The following SGPP1 variants were observed in gnomAD, a reference collection of about 807,000 sequenced individuals.
SGPP1 encodes hSPP1.
SGPP1 carries 21 observed loss-of-function variants against 33.0 expected under a neutral mutation model. The ratio of observed to expected loss-of-function variants is 0.64; its 90% CI spans 0.45 to 0.92. SGPP1 has a LOEUF of 0.92. Ranked by LOEUF, SGPP1 falls within the 40% of genes least tolerant of loss-of-function variation. The pLI is 0.00. For synonymous variants in SGPP1, 239 were observed against 241.2 expected, an observed-to-expected ratio of 0.99 and a Z score of 0.08; for missense variants, 543 against 589.4, an observed-to-expected ratio of 0.92 and a Z score of 0.81.
chr14:63,692,439 C>CTA (rs969036167), intron 2 of SGPP1, among the ~76,000 whole-genome samples: 1 of 151,220 alleles, frequency 6.6e-6, no homozygotes, highest in African/African-American at 2.4e-5. Context: ...TGAAGAGAAA[C>CTA]TAAATGTTCA....
At chr14:63,718,297 G>C (rs1441468242) in intron 1 of SGPP1, among the ~76,000 whole-genome samples, 1 of 150,008 alleles carries the variant, frequency 6.7e-6, no homozygotes, top group Non-Finnish European at 1.5e-5. Context: ...TATCAACCTA[G>C]AATTCTGAAT....
At chr14:63,707,980 C>A (rs535481489) in intron 1 of SGPP1, among the ~76,000 whole-genome samples, 58 of 152,208 alleles carry the variant, frequency 3.8e-4, no homozygotes, top group Middle Eastern at 3.4e-3. Flanking sequence ...TTTCAAAATG[C>A]AAAACGCATT....
chr14:63,721,302 G>A (rs1396298910), intron 1 of SGPP1, among the ~76,000 whole-genome samples: 2 of 152,060 alleles, frequency 1.3e-5, no homozygotes. Flanking sequence ...AAATTAGCCG[G>A]GTGTGGTGGC....
At chr14:63,707,675 A>G (rs1204579005) in intron 1 of SGPP1, among the ~76,000 whole-genome samples, 1 of 151,984 alleles carries the variant, frequency 6.6e-6, no homozygotes, top group African/African-American at 2.4e-5. Context: ...TGAACTGCCA[A>G]CCTCATGTGA....
intron 1 of SGPP1, among the ~76,000 whole-genome samples, chr14:63,701,931 A>G (rs1885307238): frequency 1.3e-5 from 2 of 149,220 alleles, no homozygotes; most frequent in Non-Finnish European, 2.9e-5. Context: ...AAAAAAAAAA[A>G]AAAGAACCAA....
Position 63,708,325 on chromosome 14 carries a change from G to A in SGPP1, c.685-9667C>T, listed in dbSNP as rs538495991. ...AGGCTGGAGTGCAATGCCCCATCTC[G>A]GTTTACTGCAACCTCCGCCTCCTGG... On this transcript the variant is annotated intron_variant, in intron 1 of 2. Transcript: ENST00000247225. 3.6e-5 allele frequency among the ~76,000 whole-genome samples: 5 copies of A among 139,268 alleles called. No individual in the cohort carries two copies. In the East Asian group the frequency reaches 8.3e-4, roughly 23 times the overall value. 91.4% of individuals were successfully genotyped at this position (139,268 alleles called of 152,430 possible).
Position 63,727,488 on chromosome 14 carries a change from A to G in SGPP1, c.457T>C (p.Trp153Arg). The change falls in exon 1 of 3, where the codon TGG (tryptophan) becomes CGG (arginine). Residue 153 changes from tryptophan to arginine, a missense_variant. By Grantham distance (101) the Trp-to-Arg change is moderately radical (BLOSUM62 -3). Coordinates refer to ENST00000247225, the MANE Select transcript of SGPP1 (RefSeq NM_030791.4). ...FYILFFPFWI[W>R]NLDPLVGRRL... Reference sequence around the variant, plus strand: ...CGGCCCACCAGAGGGTCCAGGTTCCAGATCCAGAAGGGGAAGAACAGGATG... The same window carrying G: ...CGGCCCACCAGAGGGTCCAGGTTCCGGATCCAGAAGGGGAAGAACAGGATG... 6.2e-7 allele frequency: 1 copy of G among 1,614,162 alleles called. No homozygotes were observed. The highest frequency in any genetic ancestry group is 8.5e-7 in the Non-Finnish European group (1 of 1,180,018).
intron 1 of SGPP1, among the ~76,000 whole-genome samples, chr14:63,699,644 A>G (rs1430267760): frequency 1.3e-5 from 2 of 152,042 alleles, no homozygotes; most frequent in African/African-American, 4.8e-5. Flanking sequence ...AGGTGTGATA[A>G]TAGCATACTA....
chr14:63,688,856 G>A (rs1022730450), intron 2 of SGPP1, among the ~76,000 whole-genome samples: 1 of 151,878 alleles, frequency 6.6e-6, no homozygotes, highest in African/African-American at 2.4e-5. Flanking sequence ...CGAGTAGCTG[G>A]GACTACAGGC....
chr14:63,686,294 G>C lies in SGPP1; in HGVS notation c.1137C>G (p.Ile379Met). The change falls in exon 3 of 3, where the codon ATC (isoleucine) becomes ATG (methionine). Residue 379 changes from isoleucine (I) to methionine (M), a missense_variant. Transcript: ENST00000247225. ...TGGTGATCTTTTTCATTACATCTCT[G>C]ATTATTAGTACAAATACCATCCCTA... ...ILIGMVFVLI[I>M]RDVMKKITIP... 6.2e-7 allele frequency: 1 copy of C among 1,614,028 alleles called. No homozygotes were observed. Among genetic ancestry groups the C allele is most frequent in the Non-Finnish European group, 8.5e-7 (1 of 1,179,968 alleles).
intron 2 of SGPP1, among the ~76,000 whole-genome samples, chr14:63,688,613 C>G (rs1472596551): frequency 6.6e-6 from 1 of 152,110 alleles, no homozygotes; most frequent in East Asian, 1.9e-4. Context: ...TTTATATTCA[C>G]TGTCTCCACT....
At chr14:63,694,273 CAGAAA>C (rs1213671907) in intron 2 of SGPP1, among the ~76,000 whole-genome samples, 1 of 143,906 alleles carries the variant, frequency 6.9e-6, no homozygotes, top group Non-Finnish European at 1.5e-5. Context: ...GACCCTGTCT[CAGAAA>C]AGAAAAGAAA....
At position 63,727,998 on chromosome 14, in the gene SGPP1, C is replaced by T. The variant is rs1595076777; in HGVS notation, c.-54G>A. 25 of 1,475,366 alleles carry T rather than the reference C, an allele frequency of 1.7e-5. No homozygotes were observed. The highest frequency in any genetic ancestry group is 2.2e-5 in the Non-Finnish European group (25 of 1,119,504). 91.4% of individuals were successfully genotyped at this position (1,475,366 alleles called of 1,614,324 possible). On this transcript the variant is annotated 5_prime_UTR_variant, in exon 1 of 3. Coordinates refer to ENST00000247225, the MANE Select transcript of SGPP1 (RefSeq NM_030791.4). ...GGCCTCCGGCGCAGCCCCGAACTGT[C>T]CCCGCGCTCCTGGCCAGCGGCAGCG...
intron 1 of SGPP1, 72 bp from the exon 2 acceptor site, chr14:63,698,730 T>C (rs1443106198): frequency 1.2e-6 from 1 of 816,164 alleles, no homozygotes; most frequent in Non-Finnish European, 1.9e-6. Flanking sequence ...AAAAGACAAA[T>C]CAAATCACTA....
intron 1 of SGPP1, among the ~76,000 whole-genome samples, chr14:63,702,119 C>T (rs7156468): frequency 3.3e-5 from 5 of 151,812 alleles, no homozygotes; most frequent in East Asian, 3.9e-4. Flanking sequence ...GAAGGTAGGA[C>T]GGGGAAGGGT....
In SGPP1 at chr14:63,727,605, T is replaced by C. The variant is rs749874050; in HGVS notation, c.340A>G (p.Thr114Ala). The C allele has an allele frequency of 1.0e-5, 16 of 1,535,488 alleles. No homozygotes were observed. Among genetic ancestry groups the C allele is most frequent in the Non-Finnish European group, 8.7e-7 (1 of 1,146,972 alleles). The change falls in exon 1 of 3, where the codon ACG (threonine) becomes GCG (alanine). Residue 114 changes from threonine to alanine, a missense_variant. By Grantham distance (58) the Thr-to-Ala change is moderately conservative. Coordinates refer to ENST00000247225, the MANE Select transcript of SGPP1 (RefSeq NM_030791.4). Reference protein sequence around the residue: ...RAGALRRNSLTGEEGQLARVS... With the variant: ...RAGALRRNSLAGEEGQLARVS... ...CGGGCCAGCTGGCCCTCCTCGCCCG[T>C]CAGCGAGTTGCGGCGCAGAGCGCCC...
At chr14:63,688,242 G>C (rs748569324) in intron 2 of SGPP1, among the ~76,000 whole-genome samples, 1 of 150,704 alleles carries the variant, frequency 6.6e-6, no homozygotes, top group Non-Finnish European at 1.5e-5. Flanking sequence ...CCTGAACCCG[G>C]GAGGCCGAGG....
chr14:63,726,223 A>T (rs1885875770), intron 1 of SGPP1, among the ~76,000 whole-genome samples: 1 of 152,234 alleles, frequency 6.6e-6, no homozygotes, highest in Non-Finnish European at 1.5e-5. Context: ...GTATTTCTCA[A>T]TGTAAAATGA....
chr14:63,719,316 ATTTT>A (rs762038679), intron 1 of SGPP1, among the ~76,000 whole-genome samples: 1 of 150,426 alleles, frequency 6.6e-6, no homozygotes, highest in Non-Finnish European at 1.5e-5. Flanking sequence ...CATAAAAATT[ATTTT>A]TTTTTAATTT....
Sources: gnomAD v4.1 joint callset for allele counts (sites outside exome capture counted in the v4.1 genomes callset) on GRCh38, gnomAD v4.1.1 for gene constraint, MANE v1.5 for transcripts, NCBI Gene and HGNC (gene_info 2026-07-23, HGNC 2026-07-21) for gene names.